The following FARS2 variants were observed in gnomAD, a reference collection of about 807,000 sequenced individuals.
The protein encoded by FARS2 is phenylalanyl-tRNA synthetase 2, mitochondrial, also known as phenylalanine--tRNA ligase, mitochondrial.
A neutral mutation model predicts 46.4 loss-of-function variants in FARS2; 40 were observed. The ratio of observed to expected loss-of-function variants is 0.86; its 90% CI spans 0.67 to 1.12. FARS2 has a LOEUF of 1.12. Among genes scored for constraint, FARS2 ranks in the 50% most tolerant of loss-of-function variants. The pLI, the probability that FARS2 is intolerant of heterozygous loss-of-function variation, is 0.00. For synonymous variants in FARS2, 234 were observed against 214.9 expected (o/e 1.09, Z -0.78); for missense variants, 513 against 567.9 (o/e 0.90, Z 0.98).
chr6:5,545,549 G>A (rs569491019), intron 5 of FARS2, among the ~76,000 whole-genome samples: 5 of 152,118 alleles, frequency 3.3e-5, no homozygotes, highest in South Asian at 4.2e-4. Flanking sequence ...CTATCAACCC[G>A]TCATCTAGGT....
chr6:5,456,680 G>A (rs947562856), intron 4 of FARS2, among the ~76,000 whole-genome samples: 6 of 128,922 alleles, frequency 4.7e-5, no homozygotes, highest in Non-Finnish European at 6.3e-5. Flanking sequence ...GCAGTGAGCC[G>A]AGATGGCATT....
At chr6:5,334,679 T>C (rs1331421219) in intron 1 of FARS2, among the ~76,000 whole-genome samples, 2 of 152,210 alleles carry the variant, frequency 1.3e-5, no homozygotes, top group Non-Finnish European at 1.5e-5. Flanking sequence ...TGTATACTTA[T>C]ACATACAAGA....
intron 5 of FARS2, among the ~76,000 whole-genome samples, chr6:5,551,234 A>C (rs530691072): frequency 2.0e-5 from 3 of 152,318 alleles, no homozygotes; most frequent in Non-Finnish European, 2.9e-5. Flanking sequence ...GCTATGAATG[A>C]ACAAGGATCC....
At chr6:5,345,700 T>C (rs1757185214) in intron 1 of FARS2, among the ~76,000 whole-genome samples, 1 of 152,230 alleles carries the variant, frequency 6.6e-6, no homozygotes, top group Admixed American at 6.5e-5. Flanking sequence ...GGAAAGTGGC[T>C]TGAACTTTAA....
intron 1 of FARS2, among the ~76,000 whole-genome samples, chr6:5,365,646 C>A (rs150098580): frequency 1.3e-5 from 2 of 151,664 alleles, no homozygotes; most frequent in Admixed American, 1.3e-4. Context: ...GCCACCACAC[C>A]CTACTGAGAA....
At chr6:5,637,339 A>G (rs1184313551) in intron 6 of FARS2, among the ~76,000 whole-genome samples, 1 of 152,240 alleles carries the variant, frequency 6.6e-6, no homozygotes, top group Non-Finnish European at 1.5e-5. Flanking sequence ...GAGGACAAGG[A>G]TCACAGGCTC....
At chr6:5,466,395 G>A (rs541156854) in intron 4 of FARS2, among the ~76,000 whole-genome samples, 35 of 152,082 alleles carry the variant, frequency 2.3e-4, no homozygotes, top group Admixed American at 1.8e-3. Context: ...TCTCCTTCCT[G>A]TTGCCCCCAC....
rs70974187 is a variant in FARS2, at chr6:5,296,129, C to CTTTTTTTTTTTTTTTTTTT, written c.-22+34481_-22+34499dup. ...CAAACATAAAAATTATCATTTTGGC[C>CTTTTTTTTTTTTTTTTTTT]TTTTTTTTTTTTTTTTTTTTTTTTT... On this transcript the variant is annotated intron_variant, in intron 1 of 6. Coordinates refer to ENST00000274680, the MANE Select transcript of FARS2 (RefSeq NM_006567.5). 3.6e-5 allele frequency among the ~76,000 whole-genome samples: 2 copies of CTTTTTTTTTTTTTTTTTTT among 55,040 alleles called. 1 individual carries two copies. The highest frequency in any genetic ancestry group is 1.8e-4 in the African/African-American group (2 of 11,272). 36.1% of individuals were successfully genotyped at this position (55,040 alleles called of 152,430 possible).
At chr6:5,628,259 G>A (rs1425862582) in intron 6 of FARS2, among the ~76,000 whole-genome samples, 1 of 152,174 alleles carries the variant, frequency 6.6e-6, no homozygotes, top group Non-Finnish European at 1.5e-5. Context: ...ATGAGGAACA[G>A]GGAAAATTTC....
rs529181448 is a variant in FARS2, at chr6:5,494,549, A to G, written c.905-50631A>G. Among the ~76,000 whole-genome samples the G allele has an allele frequency of 7.2e-5, 11 of 152,300 alleles. No homozygotes were observed. In the South Asian group the frequency reaches 2.3e-3, roughly 32 times the overall value. On this transcript the variant is annotated intron_variant, in intron 4 of 6. Coordinates refer to ENST00000274680, the MANE Select transcript of FARS2 (RefSeq NM_006567.5). ...TGCACTGTAGAGACTTATTTCCTAC[A>G]TTTTGGGAAGGTGGTCCTCCTGTGG...
At chr6:5,329,003 C>G (rs975912463) in intron 1 of FARS2, among the ~76,000 whole-genome samples, 2 of 152,036 alleles carry the variant, frequency 1.3e-5, no homozygotes, top group African/African-American at 4.8e-5. Flanking sequence ...AGTGTCTTAT[C>G]TCTATAACTT....
At chr6:5,705,669 A>G (rs2150891929) in intron 6 of FARS2, among the ~76,000 whole-genome samples, 1 of 151,942 alleles carries the variant, frequency 6.6e-6, no homozygotes, top group South Asian at 2.1e-4. Flanking sequence ...CATATTCCCA[A>G]CGTTATTTCC....
At position 5,683,521 on chromosome 6, in the gene FARS2, A is replaced by G. The variant is rs577132740; in HGVS notation, c.1217+70201A>G. ...AAAAGGATTTCTAGGGATACAGGAG[A>G]GACCACCAGCCTAGGAGCTGGGAAA... On this transcript the variant is annotated intron_variant, in intron 6 of 6. Coordinates refer to ENST00000274680, the MANE Select transcript of FARS2 (RefSeq NM_006567.5). 3.4e-3 allele frequency among the ~76,000 whole-genome samples: 512 copies of G among 152,206 alleles called. 2 individuals carry two copies. Among genetic ancestry groups the G allele is most frequent in the Non-Finnish European group, 5.7e-3 (387 of 68,006 alleles).
intron 4 of FARS2, among the ~76,000 whole-genome samples, chr6:5,438,847 A>C (rs1316423983): frequency 1.3e-5 from 2 of 152,148 alleles, no homozygotes; most frequent in Non-Finnish European, 2.9e-5. Flanking sequence ...TGGATTTTGG[A>C]TTTTTGGATT....
intron 1 of FARS2, among the ~76,000 whole-genome samples, chr6:5,287,965 A>G (rs976327208): frequency 6.6e-6 from 1 of 152,144 alleles, no homozygotes; most frequent in African/African-American, 2.4e-5. Flanking sequence ...TAGTGCAGGT[A>G]TCTGTCATGT....
chr6:5,474,661 C>CT (rs34998565), intron 4 of FARS2, among the ~76,000 whole-genome samples: 1,327 of 71,352 alleles, frequency 0.019, 25 homozygotes, highest in African/African-American at 0.051. Flanking sequence ...AAATACAGTA[C>CT]TGTTTTTTTT....
At chr6:5,259,536 T>C (rs1405217822), upstream of FARS2, among the ~76,000 whole-genome samples, 1 of 152,198 alleles carries the variant, frequency 6.6e-6, no homozygotes, top group Non-Finnish European at 1.5e-5. Context: ...TTGAGAGTCA[T>C]TGCTTAAGAG....
intron 5 of FARS2, among the ~76,000 whole-genome samples, chr6:5,579,931 G>A (rs1431954722): frequency 6.6e-6 from 1 of 151,856 alleles, no homozygotes; most frequent in Non-Finnish European, 1.5e-5. Flanking sequence ...GTTTGTTTTT[G>A]TTGTTGTTGT....
chr6:5,719,940 G>T (rs936326609), intron 6 of FARS2, among the ~76,000 whole-genome samples: 7 of 152,174 alleles, frequency 4.6e-5, no homozygotes, highest in African/African-American at 1.7e-4. Flanking sequence ...TTATACCACA[G>T]AAATTGTTAT....
Sources: allele counts gnomAD v4.1 joint callset (sites outside exome capture counted in the v4.1 genomes callset), GRCh38; gene constraint gnomAD v4.1.1; transcripts MANE v1.5; gene names NCBI Gene and HGNC (gene_info 2026-07-23, HGNC 2026-07-21).